SLC25A13: variants seen among roughly 807,000 people sequenced by gnomAD.
The protein encoded by SLC25A13 is solute carrier family 25 member 13.
Under a neutral mutation model 85.5 loss-of-function variants are expected in SLC25A13, and 70 were observed. That is an observed-to-expected ratio of 0.82 (90% CI 0.68 to 1.00). SLC25A13 has a LOEUF of 1.00. SLC25A13 is among the 50% of genes least tolerant of loss of function. The pLI is 0.00. For synonymous variants in SLC25A13, 259 were observed against 288.7 expected (o/e 0.90, Z 1.04); for missense variants, 765 against 819.8 (o/e 0.93, Z 0.82).
At chr7:96,137,886 CT>C (rs1792351513) in intron 14 of SLC25A13, among the ~76,000 whole-genome samples, 1 of 152,196 alleles carries the variant, frequency 6.6e-6, no homozygotes, top group East Asian at 1.9e-4. Context: ...GCACTCTCTG[CT>C]GTGATTCTGG....
intron 5 of SLC25A13, among the ~76,000 whole-genome samples, chr7:96,208,410 A>G (rs1795543674): frequency 6.6e-6 from 1 of 152,174 alleles, no homozygotes; most frequent in Non-Finnish European, 1.5e-5. Context: ...TGTAGTAAGT[A>G]AATCACAGTA....
chr7:96,224,280 A>C (rs1379443672), intron 4 of SLC25A13, among the ~76,000 whole-genome samples: 2 of 152,156 alleles, frequency 1.3e-5, no homozygotes, highest in East Asian at 1.9e-4. Context: ...AGCAAAAATC[A>C]TCTCTTCCAA....
intron 11 of SLC25A13, among the ~76,000 whole-genome samples, chr7:96,181,847 T>C (rs952175399): frequency 6.6e-6 from 1 of 152,340 alleles, no homozygotes; most frequent in East Asian, 1.9e-4. Context: ...TATATTTTCC[T>C]AATTTAAACG....
chr7:96,144,875 A>G (rs760800096), intron 14 of SLC25A13, among the ~76,000 whole-genome samples: 8 of 152,200 alleles, frequency 5.3e-5, no homozygotes, highest in Non-Finnish European at 8.8e-5. Context: ...AGACATTTCA[A>G]TAACAGTCAC....
intron 13 of SLC25A13, among the ~76,000 whole-genome samples, chr7:96,153,594 A>G (rs370786737): frequency 6.6e-6 from 1 of 152,232 alleles, no homozygotes. Context: ...CGGGTTCTCT[A>G]TTAAGAGTCA....
chr7:96,122,105 A>G (rs993842832), intron 15 of SLC25A13, 108 bp from the exon 16 acceptor site: 83 of 1,441,558 alleles, frequency 5.8e-5, no homozygotes, highest in Non-Finnish European at 8.0e-5. Flanking sequence ...ATCCGATTCA[A>G]TAAAATGCCT....
intron 11 of SLC25A13, among the ~76,000 whole-genome samples, chr7:96,182,737 A>G (rs1794468455): frequency 1.3e-5 from 2 of 152,198 alleles, no homozygotes; most frequent in African/African-American, 4.8e-5. Flanking sequence ...ATGGTCAAAG[A>G]TCGAGAAAAA....
chr7:96,308,968 A>G (rs1204160551), intron 1 of SLC25A13, among the ~76,000 whole-genome samples: 3 of 152,176 alleles, frequency 2.0e-5, no homozygotes, highest in African/African-American at 7.2e-5. Context: ...AACCACCATA[A>G]AAAAAGAATC....
At chr7:96,157,065 T>C (rs557789944) in intron 13 of SLC25A13, among the ~76,000 whole-genome samples, 14 of 152,288 alleles carry the variant, frequency 9.2e-5, no homozygotes, top group African/African-American at 3.4e-4. Flanking sequence ...CGGAAGTCCA[T>C]GATCTTCATA....
chr7:96,139,945 C>CTTTTTTTTTTTTT (rs59749381), intron 14 of SLC25A13, among the ~76,000 whole-genome samples: 7 of 86,366 alleles, frequency 8.1e-5, no homozygotes, highest in African/African-American at 3.1e-4. Flanking sequence ...GATTTCCATT[C>CTTTTTTTTTTTTT]TTTTTTTTTT....
At chr7:96,304,958 C>T (rs1363057841) in intron 1 of SLC25A13, among the ~76,000 whole-genome samples, 2 of 152,228 alleles carry the variant, frequency 1.3e-5, no homozygotes, top group Non-Finnish European at 2.9e-5. Flanking sequence ...TTGAGGGTCA[C>T]AGAGGCAGTC....
chr7:96,122,818 TA>T (rs1791568666), intron 15 of SLC25A13, among the ~76,000 whole-genome samples: 1 of 152,348 alleles, frequency 6.6e-6, no homozygotes, highest in African/African-American at 2.4e-5. Flanking sequence ...TTAGATTTTT[TA>T]AAAGCGAGAC....
intron 2 of SLC25A13, among the ~76,000 whole-genome samples, chr7:96,278,787 T>A (rs1340613255): frequency 1.3e-5 from 2 of 152,230 alleles, no homozygotes; most frequent in Non-Finnish European, 2.9e-5. Flanking sequence ...ATTCTTCAGT[T>A]AGCATTTAAT....
intron 3 of SLC25A13, among the ~76,000 whole-genome samples, chr7:96,276,576 T>C (rs1036202752): frequency 3.9e-5 from 6 of 152,074 alleles, no homozygotes; most frequent in African/African-American, 1.4e-4. Context: ...TGAGCCAAGA[T>C]CATGCCACTG....
chr7:96,157,591 G>T (rs573728414), intron 13 of SLC25A13, among the ~76,000 whole-genome samples: 6 of 152,266 alleles, frequency 3.9e-5, no homozygotes, highest in African/African-American at 1.4e-4. Flanking sequence ...ATCACTTGAG[G>T]TCAGGAAATG....
At chr7:96,315,353 C>T (rs1429983260) in intron 1 of SLC25A13, among the ~76,000 whole-genome samples, 1 of 152,200 alleles carries the variant, frequency 6.6e-6, no homozygotes, top group Admixed American at 6.5e-5. Context: ...GCTCAGGCCA[C>T]ACCCAAGTCC....
In SLC25A13 at chr7:96,234,821, G is replaced by A; in HGVS notation, c.309C>T (p.Gly103=). Residue 103 remains glycine, a synonymous_variant, in exon 4 of 18, where the codon GGC becomes GGT. Transcript: ENST00000265631. Reference sequence around the variant, plus strand: ...TCTTACCAAAAGTTACTTCTCCTTTGCCAGCTTTGTCAAACAGCTGAAAGG... The same window carrying A: ...TCTTACCAAAAGTTACTTCTCCTTTACCAGCTTTGTCAAACAGCTGAAAGG... The part of the protein sequence containing the change: ...MVAFQLFDKA[G]KGEVTFEDVK... 6.2e-7 allele frequency: 1 copy of A among 1,612,870 alleles called. No individual in the cohort carries two copies. The highest frequency in any genetic ancestry group is 8.5e-7 in the Non-Finnish European group (1 of 1,179,582).
intron 3 of SLC25A13, among the ~76,000 whole-genome samples, chr7:96,264,617 G>C (rs1212238649): frequency 6.6e-6 from 1 of 152,000 alleles, no homozygotes; most frequent in African/African-American, 2.4e-5. Flanking sequence ...TACCATACTA[G>C]AAATTAAAAT....
intron 4 of SLC25A13, among the ~76,000 whole-genome samples, chr7:96,224,187 C>T (rs575845396): frequency 3.3e-5 from 5 of 152,248 alleles, no homozygotes; most frequent in Admixed American, 6.5e-5. Flanking sequence ...GGTGACTATA[C>T]GCTGGCTTCA....
Sources: allele counts gnomAD v4.1 joint callset (sites outside exome capture counted in the v4.1 genomes callset), GRCh38; gene constraint gnomAD v4.1.1; transcripts MANE v1.5; gene names NCBI Gene and HGNC (gene_info 2026-07-23, HGNC 2026-07-21).